The following RAB5B variants were observed in gnomAD, a reference collection of about 807,000 sequenced individuals.
RAB5B encodes the protein RAB5B, member RAS oncogene family.
In RAB5B, 11 loss-of-function variants were observed where a neutral mutation model predicts 28.6. The observed-to-expected ratio is 0.38, with a 90% CI of 0.24 to 0.64. The LOEUF (loss-of-function observed/expected upper bound fraction) is 0.64. RAB5B is among the 30% of genes least tolerant of loss of function. RAB5B has a pLI of 0.53. For missense variants in RAB5B, 169 were observed against 265.6 expected (o/e 0.64, Z 2.53); for synonymous variants, 93 against 97.9 (o/e 0.95, Z 0.29).
Position 55,996,045 on chromosome 12 carries a change from T to G in RAB5B, c.*3833T>G, listed in dbSNP as rs1399814938. On this transcript the variant is annotated 3_prime_UTR_variant, in exon 6 of 6. Coordinates refer to ENST00000360299, the MANE Select transcript of RAB5B (RefSeq NM_002868.4). ...TGGTAGGATAGGTTGGGCATTAGCC[T>G]TCTTCAGTGATTTGATTGTATACAG... is the stretch of plus-strand genomic sequence containing the variant. 1 of 146,744 alleles carries G rather than the reference T, an allele frequency of 6.8e-6. No homozygotes were observed. Among genetic ancestry groups the G allele is most frequent in the Non-Finnish European group, 1.5e-5 (1 of 67,070 alleles). 9.1% of individuals were successfully genotyped at this position (146,744 alleles called of 1,614,324 possible). A position where few individuals can be genotyped will look rare whatever the true frequency, so the allele number is the denominator to read the frequency against.
chr12:55,987,052 T>A lies in RAB5B; in HGVS notation c.92T>A (p.Val31Glu). ...TTGGTCCTGCTGGGAGAATCTGCAGTGGGAAAGTCAAGCCTGGTATTACGT... is the reference window on the plus strand; with the variant it reads ...TTGGTCCTGCTGGGAGAATCTGCAGAGGGAAAGTCAAGCCTGGTATTACGT... Reference protein sequence around the residue: ...FKLVLLGESAVGKSSLVLRFV... With the variant: ...FKLVLLGESAEGKSSLVLRFV... Residue 31 changes from valine (V) to glutamate (E), a missense_variant, in exon 2 of 6, where the codon GTG becomes GAG. Physicochemically the swap from Val to Glu is moderately radical, Grantham distance 121. Transcript: ENST00000360299. 1 of 1,613,790 alleles carries A rather than the reference T, an allele frequency of 6.2e-7. No individual in the cohort carries two copies.
chr12:55,986,602 G>A (rs1486403878), intron 1 of RAB5B, among the ~76,000 whole-genome samples: 2 of 152,182 alleles, frequency 1.3e-5, no homozygotes, highest in African/African-American at 4.8e-5. Flanking sequence ...ACCTGGTGGG[G>A]AATTACTGGG....
intron 1 of RAB5B, among the ~76,000 whole-genome samples, chr12:55,977,215 T>G (rs1889670274): frequency 6.6e-6 from 1 of 152,102 alleles, no homozygotes; most frequent in Non-Finnish European, 1.5e-5. Context: ...CCTCAGGTGA[T>G]CCACGTGCCT....
intron 2 of RAB5B, 135 bp from the exon 3 acceptor site, chr12:55,989,812 A>C (rs909617663): frequency 1.7e-5 from 19 of 1,088,952 alleles, no homozygotes; most frequent in Non-Finnish European, 2.6e-5. Context: ...GAGAACTCAA[A>C]ACCTTTTCCT....
intron 2 of RAB5B, 43 bp downstream of exon 2, chr12:55,987,166 G>GTTT: frequency 1.0e-5 from 13 of 1,272,340 alleles, no homozygotes; most frequent in East Asian, 2.7e-5. Flanking sequence ...TTTGGTAAGG[G>GTTT]TTTTTTTTTT....
Position 55,992,795 on chromosome 12 carries a change from G to T in RAB5B, c.*583G>T. On this transcript the variant is annotated 3_prime_UTR_variant, in exon 6 of 6. Transcript: ENST00000360299. Reference sequence around the variant, plus strand: ...GTTTCTCATATTTGAAAACATTGCGGTATCCATGATTTGGCCTTGTGGAGG... The same window carrying T: ...GTTTCTCATATTTGAAAACATTGCGTTATCCATGATTTGGCCTTGTGGAGG... 1 of 295,592 alleles carries T rather than the reference G, an allele frequency of 3.4e-6. No homozygotes were observed. The highest frequency in any genetic ancestry group is 6.4e-6 in the Non-Finnish European group (1 of 156,342). The allele number at this position is 295,592 out of a possible 1,614,324, so 18.3% of individuals were successfully genotyped here.
At chr12:55,980,967 A>G in intron 1 of RAB5B, 1 of 1,614,008 alleles carries the variant, frequency 6.2e-7, no homozygotes, top group Middle Eastern at 1.6e-4. Flanking sequence ...ATGATCAGAC[A>G]AGTCTTGCCC....
rs750374979 is a variant in RAB5B at position 55,990,738 on chromosome 12, T to C, written c.372T>C (p.Pro124=). ...AGGAACTACAGCGACAGGCCAGTCC[T>C]AGCATCGTTATTGCCCTGGCAGGGA... ...WVKELQRQAS[P]SIVIALAGNK... The change falls in exon 4 of 6, where the codon CCT becomes CCC. Residue 124 remains proline (P), a synonymous_variant. Transcript: ENST00000360299. The C allele has an allele frequency of 1.1e-5, 17 of 1,613,982 alleles. No homozygotes were observed. The highest frequency in any genetic ancestry group is 1.4e-5 in the Non-Finnish European group (17 of 1,179,972).
At chr12:55,985,155 A>G (rs1889918711) in intron 1 of RAB5B, among the ~76,000 whole-genome samples, 1 of 152,220 alleles carries the variant, frequency 6.6e-6, no homozygotes, top group Admixed American at 6.5e-5. Context: ...CTCAAGGTTC[A>G]TAGCTAGTAA....
chr12:55,979,558 A>G (rs1413625787), intron 1 of RAB5B: 1 of 152,182 alleles, frequency 6.6e-6, no homozygotes, highest in Non-Finnish European at 1.5e-5. Context: ...TGCAAAAGTT[A>G]CCGCTTGTTT....
intron 3 of RAB5B, chr12:55,990,303 G>A (rs1329444454): frequency 7.6e-6 from 4 of 526,728 alleles, no homozygotes; most frequent in Non-Finnish European, 1.3e-5. Context: ...AGCTACTCGG[G>A]AGGCTGAGGC....
chr12:55,977,867 AGT>A (rs1420424474), intron 1 of RAB5B, among the ~76,000 whole-genome samples: 2 of 152,152 alleles, frequency 1.3e-5, no homozygotes, highest in African/African-American at 4.8e-5. Context: ...ACCTTTTCAG[AGT>A]GTCTCCTGGT....
At chr12:55,990,913 A>C in intron 4 of RAB5B, 109 bp downstream of exon 4, 2 of 1,381,952 alleles carry the variant, frequency 1.4e-6, no homozygotes, top group Non-Finnish European at 2.0e-6. Flanking sequence ...TCATTGTCTC[A>C]TTCCCCAGTT....
In RAB5B at chr12:55,995,408, A is replaced by G. The variant is rs1565792636; in HGVS notation, c.*3196A>G. The G allele has an allele frequency of 6.6e-6, 1 of 152,072 alleles. No individual in the cohort carries two copies. The highest frequency in any genetic ancestry group is 2.4e-5 in the African/African-American group (1 of 41,410). The allele number at this position is 152,072 out of a possible 1,614,324, so 9.4% of individuals were successfully genotyped here. ...CCGGCCGTATGTGCATATTTCTAGGATCCATTTCTATATGTTTCTCAAAGG... is the reference window on the plus strand; with the variant it reads ...CCGGCCGTATGTGCATATTTCTAGGGTCCATTTCTATATGTTTCTCAAAGG... On this transcript the variant is annotated 3_prime_UTR_variant, in exon 6 of 6. Transcript: ENST00000360299.
Position 55,996,005 on chromosome 12 carries a change from T to TATA in RAB5B, c.*3793_*3794insATA, listed in dbSNP as rs1307364824. ...TATACATATATATATATATATATAT[T>TATA]TTTTTTTTAACAACTGGTAGGATAG... On this transcript the variant is annotated 3_prime_UTR_variant, in exon 6 of 6. Coordinates refer to ENST00000360299, the MANE Select transcript of RAB5B (RefSeq NM_002868.4). 1.1e-3 allele frequency: 104 copies of TATA among 96,128 alleles called. No individual in the cohort carries two copies. Among genetic ancestry groups the TATA allele is most frequent in the East Asian group, 9.0e-3 (38 of 4,232 alleles). 6.0% of individuals were successfully genotyped at this position (96,128 alleles called of 1,614,324 possible).
chr12:55,992,964 A>G lies in RAB5B; in HGVS notation c.*752A>G. 4.8e-6 allele frequency: 1 copy of G among 207,858 alleles called. No individual in the cohort carries two copies. The highest frequency in any genetic ancestry group is 7.2e-5 in the South Asian group (1 of 13,986). 12.9% of individuals were successfully genotyped at this position (207,858 alleles called of 1,614,324 possible). ...TCAAAGGCCCAGTTTCCCCTCACGC[A>G]GCCTCTTAGGTAGCGTTTCCCCTAA... On this transcript the variant is annotated 3_prime_UTR_variant, in exon 6 of 6. Coordinates refer to ENST00000360299, the MANE Select transcript of RAB5B (RefSeq NM_002868.4).
intron 1 of RAB5B, chr12:55,981,051 C>A (rs1889792391): frequency 1.2e-6 from 2 of 1,608,310 alleles, no homozygotes; most frequent in African/African-American, 2.7e-5. Flanking sequence ...ACCGGGGGAG[C>A]CGGGGAAGGG....
At position 55,987,017 on chromosome 12, in the gene RAB5B, C is replaced by T. The variant is rs571549830; in HGVS notation, c.57C>T (p.Cys19=). Residue 19 remains cysteine, a synonymous_variant, in exon 2 of 6, where the codon TGC becomes TGT. Transcript: ENST00000360299. The part of the protein sequence containing the change: ...PNGQPQASKI[C]QFKLVLLGES... ...GGCAACCCCAGGCCAGCAAAATTTG[C>T]CAGTTCAAATTGGTCCTGCTGGGAG... 19 of 1,612,490 alleles carry T rather than the reference C, an allele frequency of 1.2e-5. No individual in the cohort carries two copies. The African/African-American group carries it at 2.4e-4, about 20-fold the overall frequency.
Position 55,995,935 on chromosome 12 carries a change from T to G in RAB5B, c.*3723T>G. 2 of 136,970 alleles carry G rather than the reference T, an allele frequency of 1.5e-5. No homozygotes were observed. The highest frequency in any genetic ancestry group is 2.3e-4 in the South Asian group (1 of 4,288). The allele number at this position is 136,970 out of a possible 1,614,324, so 8.5% of individuals were successfully genotyped here. A position where few individuals can be genotyped will look rare whatever the true frequency, so the allele number is the denominator to read the frequency against. On this transcript the variant is annotated 3_prime_UTR_variant, in exon 6 of 6. Coordinates refer to ENST00000360299, the MANE Select transcript of RAB5B (RefSeq NM_002868.4). ...GCTCGCTTTCTCTCTCTCTCCCTCT[T>G]TCTCCCTCTCTCTCTCTCTCTCACT...
Sources: allele counts gnomAD v4.1 joint callset (sites outside exome capture counted in the v4.1 genomes callset), GRCh38; gene constraint gnomAD v4.1.1; transcripts MANE v1.5; gene names NCBI Gene and HGNC (gene_info 2026-07-23, HGNC 2026-07-21).